The following TENM1 variants were observed in gnomAD, a reference collection of about 807,000 sequenced individuals.
TENM1 encodes teneurin transmembrane protein 1, also known as teneurin-1.
In TENM1, 35 loss-of-function variants were observed where a neutral mutation model predicts 174.8. The ratio of observed to expected loss-of-function variants is 0.20; its 90% CI spans 0.15 to 0.27. The LOEUF (loss-of-function observed/expected upper bound fraction) is 0.27. TENM1 is among the 10% of genes least tolerant of loss of function. The probability of loss-of-function intolerance (pLI) is 1.00; values close to 1 mark genes in which losing one functional copy is unlikely to be tolerated. For missense variants in TENM1, 1,633 were observed against 2,130.1 expected, an observed-to-expected ratio of 0.77 and a Z score of 4.59; for synonymous variants, 781 against 798.7, an observed-to-expected ratio of 0.98 and a Z score of 0.37.
intron 22 of TENM1, among the ~76,000 whole-genome samples, chrX:124,474,892 C>G (rs1287304515): frequency 8.9e-6 from 1 of 112,089 alleles, no homozygotes; most frequent in South Asian, 3.7e-4. Flanking sequence ...AGAAACCCCC[C>G]CTAAATGAAA....
the TENM1 span, among the ~76,000 whole-genome samples, chrX:125,096,584 A>G: frequency 2.7e-5 from 3 of 111,840 alleles, no homozygotes; most frequent in Non-Finnish European, 5.6e-5. Context: ...TGAACATGGA[A>G]CACTTCTTTT....
At chrX:124,386,109 G>C in intron 28 of TENM1, 45 bp from the exon 32 acceptor site, 1 of 1,103,524 alleles carries the variant, frequency 9.1e-7, no homozygotes, top group Non-Finnish European at 1.2e-6. Context: ...GACAACTAAA[G>C]TTGAGGCGAC....
chrX:124,676,557 C>T (rs1348920799), intron 5 of TENM1, among the ~76,000 whole-genome samples: 6 of 106,317 alleles, frequency 5.6e-5, no homozygotes, highest in Non-Finnish European at 9.7e-5. Context: ...TTGCAAAGAG[C>T]TGTGCTCTAA....
intron 3 of TENM1, among the ~76,000 whole-genome samples, chrX:124,845,388 A>C (rs2056586623): frequency 9.0e-6 from 1 of 111,723 alleles, no homozygotes; most frequent in Admixed American, 9.5e-5. Context: ...ACAAGGTCTC[A>C]GATGATACAG....
the TENM1 span, among the ~76,000 whole-genome samples, chrX:125,045,974 C>T: frequency 3.6e-5 from 4 of 111,611 alleles, no homozygotes; most frequent in East Asian, 5.7e-4. Flanking sequence ...TGAAGAAGAG[C>T]AACCAGTTTC....
chrX:125,012,307 A>C, the TENM1 span, among the ~76,000 whole-genome samples: 1 of 111,850 alleles, frequency 8.9e-6, no homozygotes, highest in African/African-American at 3.3e-5. Context: ...CCTATGTAAA[A>C]CACTTGCTCA....
rs188529483 is a variant in TENM1, at chrX:124,399,832, C to A, written c.5391+5199G>T. Among the ~76,000 whole-genome samples, 3 of 111,364 alleles carry A rather than the reference C, an allele frequency of 2.7e-5. No individual in the cohort carries two copies. In the East Asian group the frequency reaches 8.5e-4, roughly 31 times the overall value. On this transcript the variant is annotated intron_variant, in intron 27 of 31. Transcript: ENST00000422452. ...GAAACAAAAACAAAAATTAGCCGAG[C>A]ACGGTGGCATGCGCCTGTAGTCCCA...
the TENM1 span, among the ~76,000 whole-genome samples, chrX:125,048,243 ATTTT>A: frequency 0.052 from 3,300 of 64,065 alleles, 44 homozygotes; most frequent in African/African-American, 0.066. Flanking sequence ...GTTTCGAAGC[ATTTT>A]TTTTTTTTTT....
chrX:125,094,542 TTTTA>T, the TENM1 span, among the ~76,000 whole-genome samples: 6 of 112,036 alleles, frequency 5.4e-5, no homozygotes, highest in East Asian at 1.1e-3. Flanking sequence ...ATTATTTTGT[TTTTA>T]TTTGTTTGTT....
chrX:125,149,706 C>G, the TENM1 span, among the ~76,000 whole-genome samples: 32 of 111,140 alleles, frequency 2.9e-4, no homozygotes, highest in African/African-American at 5.6e-4. Flanking sequence ...ATGGATATTG[C>G]GATCATTGAA....
At chrX:124,902,809 G>C (rs377474759) in intron 1 of TENM1, among the ~76,000 whole-genome samples, 19 of 112,429 alleles carry the variant, frequency 1.7e-4, no homozygotes, top group African/African-American at 5.8e-4. Context: ...TAGAAAATTA[G>C]TTCAATTTAA....
At chrX:125,127,209 A>G in the TENM1 span, among the ~76,000 whole-genome samples, 2 of 111,339 alleles carry the variant, frequency 1.8e-5, no homozygotes, top group Non-Finnish European at 3.8e-5. Flanking sequence ...AAGCAGGAAA[A>G]TTTTAAGTTA....
At chrX:124,910,267 C>T (rs1320754101) in intron 1 of TENM1, among the ~76,000 whole-genome samples, 3 of 112,251 alleles carry the variant, frequency 2.7e-5, no homozygotes, top group Non-Finnish European at 5.6e-5. Flanking sequence ...GAACTGGAAA[C>T]TTATATTATC....
chrX:125,068,499 T>C, the TENM1 span, among the ~76,000 whole-genome samples: 1 of 112,181 alleles, frequency 8.9e-6, no homozygotes, highest in East Asian at 2.8e-4. Flanking sequence ...TAGATATTTA[T>C]ACATTAATTT....
At chrX:124,512,077 C>T (rs1176136135) in intron 18 of TENM1, among the ~76,000 whole-genome samples, 2 of 111,909 alleles carry the variant, frequency 1.8e-5, no homozygotes, top group African/African-American at 6.5e-5. Context: ...CTCCAAACTG[C>T]TGCAATTTAA....
At chrX:124,536,084 A>C (rs1374046595) in intron 15 of TENM1, among the ~76,000 whole-genome samples, 2 of 111,441 alleles carry the variant, frequency 1.8e-5, no homozygotes, top group Non-Finnish European at 3.8e-5. Flanking sequence ...TTTATATATT[A>C]TTATATAATT....
chrX:124,565,146 T>C (rs1162258734), intron 12 of TENM1, among the ~76,000 whole-genome samples: 2 of 111,680 alleles, frequency 1.8e-5, no homozygotes, highest in Non-Finnish European at 3.8e-5. Context: ...GCAGAAAACA[T>C]AAGGAATACT....
intron 17 of TENM1, among the ~76,000 whole-genome samples, 179 bp downstream of exon 20, chrX:124,523,185 C>T (rs1201913311): frequency 8.9e-6 from 1 of 112,015 alleles, no homozygotes; most frequent in Non-Finnish European, 1.9e-5. Context: ...CATTCTAATG[C>T]CCTGACCAAT....
At chrX:124,409,812 G>C (rs1484901371) in intron 25 of TENM1, among the ~76,000 whole-genome samples, 1 of 108,735 alleles carries the variant, frequency 9.2e-6, no homozygotes, top group Non-Finnish European at 1.9e-5. Flanking sequence ...CAACTTACAA[G>C]GGACGTGAAG....
Sources: allele counts gnomAD v4.1 joint callset (sites outside exome capture counted in the v4.1 genomes callset), GRCh38; gene constraint gnomAD v4.1.1; transcripts MANE v1.5; gene names NCBI Gene and HGNC (gene_info 2026-07-23, HGNC 2026-07-21).